The following SPEF2 variants were observed in gnomAD, a reference collection of about 807,000 sequenced individuals.
SPEF2 encodes the protein sperm flagellar and cilia associated 2.
SPEF2 carries 187 observed loss-of-function variants against 224.6 expected under a neutral mutation model. The observed-to-expected ratio is 0.83, with a 90% CI of 0.74 to 0.94. The LOEUF (loss-of-function observed/expected upper bound fraction) is 0.94. SPEF2 is among the 40% of genes least tolerant of loss of function. The pLI, the probability that SPEF2 is intolerant of heterozygous loss-of-function variation, is 0.00. For missense variants in SPEF2, 2,170 were observed against 2,135.6 expected, an observed-to-expected ratio of 1.02 and a Z score of -0.32; for synonymous variants, 715 against 707.3, an observed-to-expected ratio of 1.01 and a Z score of -0.17.
rs1321579625 is a variant in SPEF2 at position 35,697,910 on chromosome 5, A to G, written c.2141+117A>G. The G allele has an allele frequency of 4.6e-6, 3 of 655,312 alleles. No individual in the cohort carries two copies. In the East Asian group the frequency reaches 8.9e-5, roughly 19 times the overall value. 40.6% of individuals were successfully genotyped at this position (655,312 alleles called of 1,614,324 possible). A position where few individuals can be genotyped will look rare whatever the true frequency, so the allele number is the denominator to read the frequency against. ...TATCTCATACATTTCACTCATCTGT[A>G]TATGAAAATATACAGCAATGAAAAG... On this transcript the variant is annotated intron_variant, in intron 15 of 36. Coordinates refer to ENST00000356031, the MANE Select transcript of SPEF2 (RefSeq NM_024867.4).
At position 35,792,394 on chromosome 5, in the gene SPEF2, A is replaced by T; in HGVS notation, c.4502A>T (p.Asn1501Ile). Residue 1501 changes from asparagine to isoleucine, a missense_variant, in exon 31 of 37, where the codon AAC becomes ATC. Asn to Ile is a moderately radical substitution (Grantham distance 149). Transcript: ENST00000356031. The part of the protein sequence containing the change: ...TDILIDLVTL[N>I]LGTNNFPSNW... ...ATTCTGATCGATTTGGTGACCCTGA[A>T]CCTTGGCACAAACAACTTTCCTAGT... The T allele has an allele frequency of 6.2e-7, 1 of 1,613,832 alleles. No individual in the cohort carries two copies. The highest frequency in any genetic ancestry group is 2.2e-5 in the East Asian group (1 of 44,826).
chr5:35,732,120 G>C (rs927590895), intron 21 of SPEF2, among the ~76,000 whole-genome samples: 2 of 152,206 alleles, frequency 1.3e-5, no homozygotes, highest in African/African-American at 4.8e-5. Context: ...AATAAGTCTT[G>C]TTGAGCTGAC....
At chr5:35,692,139 G>A (rs1754595627) in intron 11 of SPEF2, among the ~76,000 whole-genome samples, 1 of 152,090 alleles carries the variant, frequency 6.6e-6, no homozygotes, top group Admixed American at 6.5e-5. Context: ...GGCTGGGTGT[G>A]GTAGCTCATG....
At chr5:35,656,961 A>C (rs1345302837) in intron 7 of SPEF2, among the ~76,000 whole-genome samples, 1 of 152,210 alleles carries the variant, frequency 6.6e-6, no homozygotes, top group Non-Finnish European at 1.5e-5. Flanking sequence ...CTCCTGTGCA[A>C]CTGACACAAG....
chr5:35,776,171 C>T (rs1393100322), intron 28 of SPEF2, 86 bp from the exon 29 acceptor site: 1 of 1,342,452 alleles, frequency 7.4e-7, no homozygotes, highest in African/African-American at 1.5e-5. Flanking sequence ...CAAATTGAAG[C>T]ACCAGTGGTT....
chr5:35,740,709 C>G (rs533300642), intron 23 of SPEF2, among the ~76,000 whole-genome samples: 4 of 152,266 alleles, frequency 2.6e-5, no homozygotes, highest in African/African-American at 9.6e-5. Context: ...GTACTAAATA[C>G]TACACATCTT....
At chr5:35,769,943 A>G (rs1580665746) in intron 26 of SPEF2, among the ~76,000 whole-genome samples, 1 of 151,010 alleles carries the variant, frequency 6.6e-6, no homozygotes, top group African/African-American at 2.4e-5. Flanking sequence ...CAATTGCTTT[A>G]TTGAGATTTT....
intron 23 of SPEF2, among the ~76,000 whole-genome samples, chr5:35,752,842 A>G (rs1348953626): frequency 6.6e-6 from 1 of 151,766 alleles, no homozygotes; most frequent in East Asian, 1.9e-4. Context: ...AAATGAGCCA[A>G]TACAAGTATA....
At chr5:35,788,405 G>A (rs1755477251) in intron 30 of SPEF2, 1 of 702,280 alleles carries the variant, frequency 1.4e-6, no homozygotes, top group South Asian at 1.5e-5. Context: ...TGCTGAAGTA[G>A]AACGAAAAAA....
chr5:35,684,458 C>T (rs1380756552), intron 10 of SPEF2, among the ~76,000 whole-genome samples: 3 of 152,160 alleles, frequency 2.0e-5, no homozygotes, highest in East Asian at 3.8e-4. Context: ...ACATCCTATT[C>T]CATTGTGTTT....
At chr5:35,734,227 C>T (rs927124741) in intron 21 of SPEF2, among the ~76,000 whole-genome samples, 1 of 152,152 alleles carries the variant, frequency 6.6e-6, no homozygotes, top group Non-Finnish European at 1.5e-5. Context: ...TTCTCCAGTC[C>T]TACTTTGTTT....
intron 10 of SPEF2, among the ~76,000 whole-genome samples, chr5:35,688,184 C>A (rs1055251529): frequency 6.6e-6 from 1 of 152,184 alleles, no homozygotes; most frequent in Non-Finnish European, 1.5e-5. Context: ...TAGCTGCCAC[C>A]TCTGCACCAG....
At chr5:35,739,254 A>C (rs1294561499) in intron 21 of SPEF2, among the ~76,000 whole-genome samples, 1 of 152,190 alleles carries the variant, frequency 6.6e-6, no homozygotes, top group Non-Finnish European at 1.5e-5. Flanking sequence ...AGTATAGACA[A>C]GTAAATGATG....
In SPEF2 at chr5:35,797,482, A is replaced by G. The variant is rs547404065; in HGVS notation, c.4830+1687A>G. Among the ~76,000 whole-genome samples the G allele has an allele frequency of 7.7e-4, 117 of 152,200 alleles. 2 individuals are homozygous for G. The South Asian group carries it at 0.012, about 16-fold the overall frequency. On this transcript the variant is annotated intron_variant, in intron 33 of 36. Transcript: ENST00000356031. ...AATGTTCTTACACTGGGATAAAAGC[A>G]CAGATTTCACTGTTTACAAGCTGTG...
chr5:35,787,183 G>A (rs1185407604), intron 30 of SPEF2, among the ~76,000 whole-genome samples: 1 of 151,680 alleles, frequency 6.6e-6, no homozygotes, highest in African/African-American at 2.4e-5. Context: ...TTAGACGTTT[G>A]GGGGAAAGAA....
intron 19 of SPEF2, 100 bp from the exon 20 acceptor site, chr5:35,712,712 C>T: frequency 8.7e-7 from 1 of 1,150,860 alleles, no homozygotes. Context: ...ACAAATGTAA[C>T]TGTTTACCTA....
At chr5:35,669,421 A>G (rs1750936337) in intron 9 of SPEF2, among the ~76,000 whole-genome samples, 1 of 152,086 alleles carries the variant, frequency 6.6e-6, no homozygotes, top group Admixed American at 6.6e-5. Flanking sequence ...ACCTTCCTGG[A>G]ACCAACAAGT....
At chr5:35,733,503 C>G (rs961203278) in intron 21 of SPEF2, among the ~76,000 whole-genome samples, 1 of 152,058 alleles carries the variant, frequency 6.6e-6, no homozygotes. Context: ...TGCAAATTAC[C>G]TTTTAAAGTA....
Position 35,795,725 on chromosome 5 carries a change from A to G in SPEF2, c.4760A>G (p.Asp1587Gly). 6.2e-7 allele frequency: 1 copy of G among 1,613,968 alleles called. No homozygotes were observed. Among genetic ancestry groups the G allele is most frequent in the Non-Finnish European group, 8.5e-7 (1 of 1,179,892 alleles). ...YMQAGLWFTG[D>G]EDIKIPENPL... is the part of the protein sequence containing the mutation. ...TAGGCTGGTCTGTGGTTTACAGGAG[A>G]TGAAGATATAAAAATTCCAGAAAAT... The change falls in exon 33 of 37, where the codon GAT becomes GGT. Residue 1587 changes from aspartate to glycine, a missense_variant. Transcript: ENST00000356031.
Sources: allele counts gnomAD v4.1 joint callset (sites outside exome capture counted in the v4.1 genomes callset), GRCh38; gene constraint gnomAD v4.1.1; transcripts MANE v1.5; gene names NCBI Gene and HGNC (gene_info 2026-07-23, HGNC 2026-07-21).